Variants in GAB2 observed in about 807,000 individuals in gnomAD.
The protein encoded by GAB2 is GRB2 associated binding protein 2, also known as GRB2-associated-binding protein 2.
A neutral mutation model predicts 65.5 loss-of-function variants in GAB2; 26 were observed. The ratio of observed to expected loss-of-function variants is 0.40; its 90% confidence interval spans 0.29 to 0.55. The LOEUF is 0.55. Among genes scored for constraint, GAB2 ranks in the 20% least tolerant of loss-of-function variants. GAB2 has a pLI of 0.53. For synonymous variants in GAB2, 321 were observed against 329.6 expected (o/e 0.97, Z 0.28); for missense variants, 884 against 875.8 (o/e 1.01, Z -0.12).
At position 78,367,320 on chromosome 11, in the gene GAB2, T is replaced by G. The variant is rs964008333; in HGVS notation, c.75+50326A>C. Among the ~76,000 whole-genome samples, 5 of 152,240 alleles carry G rather than the reference T, an allele frequency of 3.3e-5. No homozygotes were observed. In the South Asian group the frequency reaches 8.3e-4, roughly 25 times the overall value. Reference sequence around the variant, plus strand: ...TCGAAGGGCATATGGTCTGGAAGTGTAAAGGGTCAGGTAGGTACATATATG... The same window carrying G: ...TCGAAGGGCATATGGTCTGGAAGTGGAAAGGGTCAGGTAGGTACATATATG... On this transcript the variant is annotated intron_variant, in intron 1 of 9. Transcript: ENST00000361507.
At position 78,223,690 on chromosome 11, in the gene GAB2, C is replaced by T. The variant is rs771828289; in HGVS notation, c.1303-14G>A. 8 of 1,571,318 alleles carry T rather than the reference C, an allele frequency of 5.1e-6. No individual in the cohort carries two copies. Among genetic ancestry groups the T allele is most frequent in the Non-Finnish European group, 6.0e-6 (7 of 1,157,512 alleles). The stretch of plus-strand genomic sequence containing the variant: ...CATTTTCCCTGGCTAGGGAGAGGAA[C>T]AGTGAAAGAAATACAGCTGTTACTA... On this transcript the variant is annotated splice_polypyrimidine_tract_variant and intron_variant, in intron 5 of 9. Coordinates refer to ENST00000361507, the MANE Select transcript of GAB2 (RefSeq NM_080491.3).
chr11:78,272,181 G>C (rs138469974), intron 2 of GAB2, among the ~76,000 whole-genome samples: 1 of 152,190 alleles, frequency 6.6e-6, no homozygotes, highest in Non-Finnish European at 1.5e-5. Flanking sequence ...AAAATTGGTA[G>C]CAGTAGAGTG....
rs370218948 is a variant in GAB2, at chr11:78,398,238, C to T, written c.75+19408G>A. The stretch of plus-strand genomic sequence containing the variant: ...CGCTGTCTACCCGAGAAAATCTTCG[C>T]AGTGAACTGTGGTAATAGTTAATGA... On this transcript the variant is annotated intron_variant, in intron 1 of 9. Transcript: ENST00000361507. Among the ~76,000 whole-genome samples the T allele has an allele frequency of 2.6e-5, 4 of 152,174 alleles. No individual in the cohort carries two copies. In the South Asian group the frequency reaches 6.2e-4, roughly 24 times the overall value.
chr11:78,317,028 C>A (rs1173450005), intron 1 of GAB2, among the ~76,000 whole-genome samples: 1 of 152,172 alleles, frequency 6.6e-6, no homozygotes, highest in African/African-American at 2.4e-5. Context: ...GTGAAATAAG[C>A]AGTTAGAAAA....
rs552275609 is a variant in GAB2 at position 78,334,856 on chromosome 11, T to C, written c.76-53955A>G. On this transcript the variant is annotated intron_variant, in intron 1 of 9. Coordinates refer to ENST00000361507, the MANE Select transcript of GAB2 (RefSeq NM_080491.3). Reference sequence around the variant, plus strand: ...CCCTAGTGGTTGTACTAATTCATGTTCCCACCAATAGTGTAAGATGGTTTC... The same window carrying C: ...CCCTAGTGGTTGTACTAATTCATGTCCCCACCAATAGTGTAAGATGGTTTC... Among the ~76,000 whole-genome samples the C allele has an allele frequency of 8.5e-5, 13 of 152,366 alleles. No individual in the cohort carries two copies. The South Asian group carries it at 1.2e-3, about 15-fold the overall frequency.
At chr11:78,289,049 G>A (rs1866572342) in intron 1 of GAB2, among the ~76,000 whole-genome samples, 1 of 152,170 alleles carries the variant, frequency 6.6e-6, no homozygotes, top group Non-Finnish European at 1.5e-5. Flanking sequence ...AGAAAACCCA[G>A]AAACAGACCC....
chr11:78,386,862 G>C (rs760571564), intron 1 of GAB2, among the ~76,000 whole-genome samples: 1 of 152,182 alleles, frequency 6.6e-6, no homozygotes, highest in South Asian at 2.1e-4. Flanking sequence ...TATCTCTTAC[G>C]AAGAGACAAT....
At chr11:78,318,398 G>GAAAAAAAAAAAAAAAAAAAAAA (rs1855658845) in intron 1 of GAB2, among the ~76,000 whole-genome samples, 2 of 37,500 alleles carry the variant, frequency 5.3e-5, no homozygotes, top group African/African-American at 2.3e-4. Flanking sequence ...CTGTGAAAAG[G>GAAAAAAAAAAAAAAAAAAAAAA]AGCTTGACTT....
At chr11:78,282,076 TATG>T (rs1459208585) in intron 1 of GAB2, among the ~76,000 whole-genome samples, 1 of 152,228 alleles carries the variant, frequency 6.6e-6, no homozygotes, top group African/African-American at 2.4e-5. Context: ...CCTTAGTCCT[TATG>T]ATAATGCCTT....
At chr11:78,283,420 T>C (rs112099417) in intron 1 of GAB2, among the ~76,000 whole-genome samples, 4,204 of 152,322 alleles carry the variant, frequency 0.028, 152 homozygotes, top group African/African-American at 0.088. Context: ...CATCAACGTT[T>C]CCTATCTCAG....
Position 78,417,627 on chromosome 11 carries a change from CGGCCG to C in GAB2, c.75+14_75+18del. The C allele has an allele frequency of 1.5e-6, 2 of 1,314,992 alleles. No homozygotes were observed. The highest frequency in any genetic ancestry group is 2.0e-6 in the Non-Finnish European group (2 of 1,004,356). The allele number at this position is 1,314,992 out of a possible 1,614,324, so 81.5% of individuals were successfully genotyped here. A position where few individuals can be genotyped will look rare whatever the true frequency, so the allele number is the denominator to read the frequency against. ...GGAGCGCCCCCCGCCCGCCCCTGGG[CGGCCG>C]CGCCCGCACTCACATAGCGCCTCAA... is the stretch of plus-strand genomic sequence containing the variant. On this transcript the variant is annotated intron_variant, in intron 1 of 9. Coordinates refer to ENST00000361507, the MANE Select transcript of GAB2 (RefSeq NM_080491.3).
At chr11:78,354,592 C>T (rs923045167) in intron 1 of GAB2, among the ~76,000 whole-genome samples, 1 of 152,058 alleles carries the variant, frequency 6.6e-6, no homozygotes, top group Admixed American at 6.6e-5. Flanking sequence ...ATCATCTATG[C>T]CAAAGACCTG....
At chr11:78,377,437 T>C (rs922483062) in intron 1 of GAB2, among the ~76,000 whole-genome samples, 2 of 152,118 alleles carry the variant, frequency 1.3e-5, no homozygotes, top group African/African-American at 4.8e-5. Flanking sequence ...GACTCAATTT[T>C]CCCAAAGGCC....
At chr11:78,290,451 C>T (rs889112234) in intron 1 of GAB2, among the ~76,000 whole-genome samples, 2 of 152,206 alleles carry the variant, frequency 1.3e-5, no homozygotes, top group African/African-American at 4.8e-5. Context: ...AGCTGTTGAA[C>T]AGACAGTACA....
intron 1 of GAB2, among the ~76,000 whole-genome samples, chr11:78,285,957 G>C (rs1240935841): frequency 6.6e-6 from 1 of 152,098 alleles, no homozygotes; most frequent in African/African-American, 2.4e-5. Context: ...TTTTGTACTT[G>C]TCTCTTCCCA....
chr11:78,407,118 G>T (rs1390052952), intron 1 of GAB2, among the ~76,000 whole-genome samples: 1 of 152,112 alleles, frequency 6.6e-6, no homozygotes, highest in Non-Finnish European at 1.5e-5. Flanking sequence ...TACAACAAAA[G>T]ATCTAACAGT....
intron 1 of GAB2, among the ~76,000 whole-genome samples, chr11:78,300,988 C>T (rs943290768): frequency 1.3e-5 from 2 of 152,154 alleles, no homozygotes; most frequent in African/African-American, 2.4e-5. Flanking sequence ...AGCCACTGCA[C>T]CCAGCCTCGC....
chr11:78,396,725 G>A (rs908489333), intron 1 of GAB2, among the ~76,000 whole-genome samples: 1 of 152,134 alleles, frequency 6.6e-6, no homozygotes, highest in African/African-American at 2.4e-5. Context: ...AGCCACCCGA[G>A]CAGCTGAGAT....
intron 3 of GAB2, among the ~76,000 whole-genome samples, chr11:78,245,975 T>C (rs1212974143): frequency 1.3e-5 from 2 of 151,860 alleles, no homozygotes; most frequent in Admixed American, 6.6e-5. Context: ...GACGGAGTTT[T>C]GCTCTTCTCG....
Sources: gnomAD v4.1 joint callset for allele counts (sites outside exome capture counted in the v4.1 genomes callset) on GRCh38, gnomAD v4.1.1 for gene constraint, MANE v1.5 for transcripts, NCBI Gene and HGNC (gene_info 2026-07-23, HGNC 2026-07-21) for gene names.